Variants in MTHFD1 observed in about 807,000 individuals in gnomAD.
The protein encoded by MTHFD1 is C-1-tetrahydrofolate synthase, cytoplasmic.
A neutral mutation model predicts 110.3 loss-of-function variants in MTHFD1; 44 were observed. The observed-to-expected ratio is 0.40, with a 90% CI of 0.31 to 0.51. The LOEUF is 0.51. MTHFD1 is among the 20% of genes least tolerant of loss of function. MTHFD1 has a pLI of 0.60. For synonymous variants in MTHFD1, 402 were observed against 428.8 expected, an observed-to-expected ratio of 0.94 and a Z score of 0.77; for missense variants, 909 against 1,173.1, an observed-to-expected ratio of 0.77 and a Z score of 3.29.
intron 4 of MTHFD1, among the ~76,000 whole-genome samples, chr14:64,413,270 T>G (rs978412930): frequency 1.3e-5 from 2 of 152,048 alleles, no homozygotes; most frequent in Non-Finnish European, 2.9e-5. Context: ...GAGAATCACT[T>G]GAACCCGGGA....
chr14:64,448,927 G>A (rs995680723), intron 23 of MTHFD1, among the ~76,000 whole-genome samples: 1 of 151,966 alleles, frequency 6.6e-6, no homozygotes, highest in African/African-American at 2.4e-5. Context: ...AGCCTCCCTA[G>A]TAGCTGGGAC....
At position 64,429,261 on chromosome 14, in the gene MTHFD1, A is replaced by AACATAT. The variant is rs11158541; in HGVS notation, c.1265-922_1265-921insCATATA. Among the ~76,000 whole-genome samples the AACATAT allele has an allele frequency of 8.3e-5, 9 of 108,248 alleles. 1 individual carries two copies. Among genetic ancestry groups the AACATAT allele is most frequent in the South Asian group, 2.8e-4 (1 of 3,524 alleles). 71.0% of individuals were successfully genotyped at this position (108,248 alleles called of 152,430 possible). ...GACAGTATGAGACTCTGTCTAAAAA[A>AACATAT]ATATATATCTGATTTACATTTATTG... is the stretch of plus-strand genomic sequence containing the variant. On this transcript the variant is annotated intron_variant, in intron 12 of 27. Transcript: ENST00000652337.
intron 6 of MTHFD1, among the ~76,000 whole-genome samples, chr14:64,416,685 A>T (rs1360922237): frequency 6.6e-6 from 1 of 152,222 alleles, no homozygotes; most frequent in Non-Finnish European, 1.5e-5. Context: ...GGTTGGCAAG[A>T]AAAGGTCAAA....
At chr14:64,455,800 T>C (rs1193377815) in intron 26 of MTHFD1, among the ~76,000 whole-genome samples, 1 of 152,194 alleles carries the variant, frequency 6.6e-6, no homozygotes. Context: ...TTGGGCAAAT[T>C]ATGAAAGGTG....
Position 64,426,172 on chromosome 14 carries a change from G to A in MTHFD1, c.1107G>A (p.Gly369=), listed in dbSNP as rs1196012634. 1 of 1,614,166 alleles carries A rather than the reference G, an allele frequency of 6.2e-7. No homozygotes were observed. The highest frequency in any genetic ancestry group is 8.5e-7 in the Non-Finnish European group (1 of 1,180,032). The part of the protein sequence containing the change: ...ALERLKHRPD[G]KYVVVTGITP... ...AACGCCTGAAGCACCGGCCTGATGGGAAATACGTGGTGGTGACTGGGTATG... is the reference window on the plus strand; with the variant it reads ...AACGCCTGAAGCACCGGCCTGATGGAAAATACGTGGTGGTGACTGGGTATG... The change falls in exon 11 of 28, where the codon GGG becomes GGA. Residue 369 remains glycine, a synonymous_variant. Transcript: ENST00000652337.
At chr14:64,457,453 C>A (rs1331074439) in intron 26 of MTHFD1, among the ~76,000 whole-genome samples, 2 of 147,398 alleles carry the variant, frequency 1.4e-5, no homozygotes, top group African/African-American at 5.0e-5. Flanking sequence ...AGTTTCTTTT[C>A]TTTTCCTTTT....
At chr14:64,394,742 T>G (rs2077833791) in intron 1 of MTHFD1, among the ~76,000 whole-genome samples, 1 of 152,142 alleles carries the variant, frequency 6.6e-6, no homozygotes, top group Non-Finnish European at 1.5e-5. Context: ...CAAATACCAG[T>G]CCCTCCTTAG....
chr14:64,449,660 G>A (rs1365573174), intron 24 of MTHFD1, 38 bp downstream of exon 24: 40 of 1,607,586 alleles, frequency 2.5e-5, no homozygotes, highest in Middle Eastern at 1.6e-4. Flanking sequence ...GAAAAAAGAC[G>A]AAAAGGGCAC....
intron 4 of MTHFD1, among the ~76,000 whole-genome samples, chr14:64,413,321 C>T (rs1397373756): frequency 2.0e-5 from 3 of 152,078 alleles, no homozygotes; most frequent in African/African-American, 7.2e-5. Context: ...CATTGCACTC[C>T]AACCTGGGAA....
chr14:64,392,338 G>C (rs1247226057), intron 1 of MTHFD1, among the ~76,000 whole-genome samples: 1 of 152,186 alleles, frequency 6.6e-6, no homozygotes, highest in Non-Finnish European at 1.5e-5. Flanking sequence ...ATGTGCATTA[G>C]TGTTGGAAGA....
intron 26 of MTHFD1, among the ~76,000 whole-genome samples, chr14:64,455,887 C>T (rs2078464695): frequency 6.6e-6 from 1 of 152,228 alleles, no homozygotes; most frequent in South Asian, 2.1e-4. Flanking sequence ...ATGCCTGCAT[C>T]TCACTGCCTC....
At chr14:64,423,868 A>G (rs1407220187) in intron 8 of MTHFD1, among the ~76,000 whole-genome samples, 1 of 151,880 alleles carries the variant, frequency 6.6e-6, no homozygotes, top group Non-Finnish European at 1.5e-5. Context: ...CTGGGACTAC[A>G]GGTGCCCGCC....
At chr14:64,435,885 C>T (rs895709009) in intron 16 of MTHFD1, among the ~76,000 whole-genome samples, 3 of 152,110 alleles carry the variant, frequency 2.0e-5, no homozygotes, top group Non-Finnish European at 4.4e-5. Flanking sequence ...TTGGATTGGT[C>T]GAACATTTTG....
At chr14:64,409,936 T>G (rs1297501841) in intron 2 of MTHFD1, among the ~76,000 whole-genome samples, 2 of 152,164 alleles carry the variant, frequency 1.3e-5, no homozygotes, top group African/African-American at 4.8e-5. Flanking sequence ...GGAGCTGTGC[T>G]TCAGTTGTCT....
chr14:64,457,048 G>A (rs767385517), intron 26 of MTHFD1, among the ~76,000 whole-genome samples: 1 of 152,156 alleles, frequency 6.6e-6, no homozygotes, highest in Non-Finnish European at 1.5e-5. Flanking sequence ...GAAAAGTAGT[G>A]AGTACAAATA....
At chr14:64,428,804 G>A (rs1175477639) in intron 12 of MTHFD1, among the ~76,000 whole-genome samples, 1 of 146,984 alleles carries the variant, frequency 6.8e-6, no homozygotes, top group Non-Finnish European at 1.5e-5. Context: ...TGCCCACCTT[G>A]GCCTCCCAAT....
chr14:64,424,267 G>T, intron 8 of MTHFD1: 1 of 174,406 alleles, frequency 5.7e-6, no homozygotes, highest in Non-Finnish European at 1.2e-5. Flanking sequence ...AGTTGTTCTT[G>T]TGTCCTTTTA....
In MTHFD1 at chr14:64,430,180, C is replaced by T. The variant is rs2078146524; in HGVS notation, c.1265-4C>T. The T allele has an allele frequency of 1.2e-6, 2 of 1,613,584 alleles. No individual in the cohort carries two copies. The highest frequency in any genetic ancestry group is 1.7e-6 in the Non-Finnish European group (2 of 1,179,946). On this transcript the variant is annotated splice_polypyrimidine_tract_variant and splice_region_variant and intron_variant, in intron 12 of 27. Transcript: ENST00000652337. ...TGAGCTTCCACCCTTGACCTGTCCC[C>T]TAGGTGGCGCTGCAGGAGGCGGCTA...
chr14:64,451,472 T>C lies in MTHFD1; in HGVS notation c.2457+1850T>C, dbSNP rs114223746. 8.1e-3 allele frequency among the ~76,000 whole-genome samples: 1,240 copies of C among 152,378 alleles called. 17 individuals are homozygous for C. Among genetic ancestry groups the C allele is most frequent in the African/African-American group, 0.028 (1,175 of 41,594 alleles). ...CACTTACAGTTAATTAACATTGACATTGACATTCTCCTGTTGAGCTTTGAT... is the reference window on the plus strand; with the variant it reads ...CACTTACAGTTAATTAACATTGACACTGACATTCTCCTGTTGAGCTTTGAT... On this transcript the variant is annotated intron_variant, in intron 24 of 27. Transcript: ENST00000652337.
Sources: gnomAD v4.1 joint callset for allele counts (sites outside exome capture counted in the v4.1 genomes callset) on GRCh38, gnomAD v4.1.1 for gene constraint, MANE v1.5 for transcripts, NCBI Gene and HGNC (gene_info 2026-07-23, HGNC 2026-07-21) for gene names.